The following SPOCK1 variants were observed in gnomAD, a reference collection of about 807,000 sequenced individuals.
The protein encoded by SPOCK1 is SPARC (osteonectin), cwcv and kazal like domains proteoglycan 1.
A neutral mutation model predicts 55.3 loss-of-function variants in SPOCK1; 23 were observed. The ratio of observed to expected loss-of-function variants is 0.42; its 90% confidence interval spans 0.30 to 0.59. The LOEUF (loss-of-function observed/expected upper bound fraction) is 0.59, where lower values mean the gene tolerates loss of function less well. Ranked by LOEUF, SPOCK1 falls within the 20% of genes least tolerant of loss-of-function variation. The pLI is 0.22. For missense variants in SPOCK1, 499 were observed against 552.5 expected, an observed-to-expected ratio of 0.90 and a Z score of 0.97; for synonymous variants, 226 against 221.0, an observed-to-expected ratio of 1.02 and a Z score of -0.20.
intron 5 of SPOCK1, among the ~76,000 whole-genome samples, chr5:137,075,565 C>A (rs561044463): frequency 1.1e-3 from 163 of 152,314 alleles, no homozygotes; most frequent in Middle Eastern, 0.01. Context: ...TTTATCTTGT[C>A]AGTGATTTAG....
intron 6 of SPOCK1, among the ~76,000 whole-genome samples, chr5:137,044,310 T>C (rs956164862): frequency 5.3e-5 from 8 of 152,202 alleles, no homozygotes; most frequent in Non-Finnish European, 7.3e-5. Context: ...GAAATTACCA[T>C]AGCAGGGACT....
intron 6 of SPOCK1, among the ~76,000 whole-genome samples, chr5:136,997,119 AT>A (rs1392257415): frequency 6.6e-6 from 1 of 152,134 alleles, no homozygotes; most frequent in Non-Finnish European, 1.5e-5. Context: ...ATGACGTATC[AT>A]TTTTACACAA....
At chr5:137,340,649 G>T (rs1310678760) in intron 2 of SPOCK1, among the ~76,000 whole-genome samples, 3 of 152,180 alleles carry the variant, frequency 2.0e-5, no homozygotes, top group Non-Finnish European at 4.4e-5. Context: ...GGGAGGCCGA[G>T]GTGGGTGGAT....
At chr5:137,053,808 T>C in intron 6 of SPOCK1, among the ~76,000 whole-genome samples, 1 of 152,160 alleles carries the variant, frequency 6.6e-6, no homozygotes, top group Non-Finnish European at 1.5e-5. Flanking sequence ...TAGAAATCTC[T>C]AGAAGACTTT....
intron 3 of SPOCK1, among the ~76,000 whole-genome samples, chr5:137,194,349 T>C (rs1354245974): frequency 2.0e-5 from 3 of 152,158 alleles, no homozygotes; most frequent in African/African-American, 7.2e-5. Context: ...GCCAGGGCAT[T>C]AGTCAAAGAA....
intron 2 of SPOCK1, among the ~76,000 whole-genome samples, chr5:137,276,291 T>C (rs1296585810): frequency 5.9e-5 from 9 of 152,222 alleles, no homozygotes; most frequent in African/African-American, 1.7e-4. Context: ...TACCCTTCTT[T>C]TGTTAACATT....
At chr5:137,339,587 A>C (rs886415324) in intron 2 of SPOCK1, among the ~76,000 whole-genome samples, 2 of 151,844 alleles carry the variant, frequency 1.3e-5, no homozygotes, top group African/African-American at 4.8e-5. Flanking sequence ...AACCAGAACT[A>C]TCTCTTGAGT....
intron 2 of SPOCK1, among the ~76,000 whole-genome samples, chr5:137,384,559 C>T (rs547544897): frequency 1.5e-5 from 2 of 133,052 alleles, no homozygotes; most frequent in Admixed American, 7.0e-5. Flanking sequence ...CATATACATA[C>T]ATACATATAT....
chr5:137,310,947 G>A (rs1167822890), intron 2 of SPOCK1, among the ~76,000 whole-genome samples: 1 of 152,156 alleles, frequency 6.6e-6, no homozygotes, highest in Non-Finnish European at 1.5e-5. Context: ...AGGAACAGAA[G>A]GACTGCTCAA....
At position 136,992,551 on chromosome 5, in the gene SPOCK1, C is replaced by A. The variant is rs751766861; in HGVS notation, c.639G>T (p.Trp213Cys). ...TCGCATCCTCGTGGAGAGCTCCAAA[C>A]CAATCCTTCAGCCGGGAGGCAAGGT... Reference protein sequence around the residue: ...LRNLASRLKDWFGALHEDANR... With the variant: ...LRNLASRLKDCFGALHEDANR... Residue 213 changes from tryptophan to cysteine, a missense_variant, in exon 7 of 11, where the codon TGG becomes TGT. Trp to Cys is a radical substitution (Grantham distance 215, BLOSUM62 -2). Transcript: ENST00000394945. 1 of 1,613,906 alleles carries A rather than the reference C, an allele frequency of 6.2e-7. No individual in the cohort carries two copies. The highest frequency in any genetic ancestry group is 1.1e-5 in the South Asian group (1 of 91,052).
chr5:137,183,899 C>T (rs1163723219), intron 3 of SPOCK1, among the ~76,000 whole-genome samples: 1 of 152,212 alleles, frequency 6.6e-6, no homozygotes, highest in Non-Finnish European at 1.5e-5. Flanking sequence ...TCACCCATCC[C>T]CCTCTATGCT....
intron 2 of SPOCK1, among the ~76,000 whole-genome samples, chr5:137,273,610 C>T (rs1757010104): frequency 1.3e-5 from 2 of 152,194 alleles, no homozygotes; most frequent in Non-Finnish European, 2.9e-5. Flanking sequence ...GGTAGAATAA[C>T]TGAAGTGGGA....
Position 137,149,245 on chromosome 5 carries a change from C to A in SPOCK1, c.233-8551G>T, listed in dbSNP as rs533034229. ...TAATGGGGAGATGCATGAAGCCCAG[C>A]GCAGCATGGGACAGGGCAGTGTAGG... On this transcript the variant is annotated intron_variant, in intron 3 of 10. Transcript: ENST00000394945. Among the ~76,000 whole-genome samples, 413 of 152,270 alleles carry A rather than the reference C, an allele frequency of 2.7e-3. 3 individuals carry two copies. The highest frequency in any genetic ancestry group is 9.1e-3 in the African/African-American group (380 of 41,550).
At chr5:137,491,076 C>G (rs1473364794) in intron 2 of SPOCK1, among the ~76,000 whole-genome samples, 4 of 152,224 alleles carry the variant, frequency 2.6e-5, no homozygotes, top group African/African-American at 9.7e-5. Context: ...CAAGTACCTA[C>G]TCTGTGCCAC....
intron 3 of SPOCK1, among the ~76,000 whole-genome samples, chr5:137,232,487 G>A (rs753637925): frequency 5.9e-5 from 9 of 152,172 alleles, no homozygotes; most frequent in Non-Finnish European, 8.8e-5. Context: ...AAGCAGTTGA[G>A]TATATTTGCC....
chr5:137,252,963 C>G (rs1286377281), intron 3 of SPOCK1, among the ~76,000 whole-genome samples: 1 of 152,172 alleles, frequency 6.6e-6, no homozygotes, highest in Non-Finnish European at 1.5e-5. Context: ...TCGGTGGTTA[C>G]TCTGTAAAGA....
At chr5:137,304,126 A>G (rs1308550635) in intron 2 of SPOCK1, among the ~76,000 whole-genome samples, 4 of 152,094 alleles carry the variant, frequency 2.6e-5, no homozygotes, top group African/African-American at 9.7e-5. Flanking sequence ...AGAAGAATCA[A>G]ATTCTTTAGA....
At chr5:137,444,428 A>G (rs1159153895) in intron 2 of SPOCK1, among the ~76,000 whole-genome samples, 2 of 152,054 alleles carry the variant, frequency 1.3e-5, no homozygotes, top group African/African-American at 4.8e-5. Context: ...TTACCAGATA[A>G]ATACATAAGC....
intron 3 of SPOCK1, among the ~76,000 whole-genome samples, chr5:137,165,622 C>G (rs1489316982): frequency 6.6e-6 from 1 of 152,086 alleles, no homozygotes; most frequent in African/African-American, 2.4e-5. Context: ...ACCTTTCAGA[C>G]AGAGAATTCA....
Sources: gnomAD v4.1 joint callset for allele counts (sites outside exome capture counted in the v4.1 genomes callset) on GRCh38, gnomAD v4.1.1 for gene constraint, MANE v1.5 for transcripts, NCBI Gene and HGNC (gene_info 2026-07-23, HGNC 2026-07-21) for gene names.